Variants in ENTPD3 observed in about 807,000 individuals in gnomAD.
ENTPD3 encodes the protein ectonucleoside triphosphate diphosphohydrolase 3, also known as CD39 antigen-like 3.
A neutral mutation model predicts 51.2 loss-of-function variants in ENTPD3; 60 were observed. The ratio of observed to expected loss-of-function variants is 1.17; its 90% CI spans 0.95 to 1.45. The LOEUF (loss-of-function observed/expected upper bound fraction) is 1.45, where lower values mean the gene tolerates loss of function less well. ENTPD3 is among the 40% of genes most tolerant of loss of function. The pLI, the probability that ENTPD3 is intolerant of heterozygous loss-of-function variation, is 0.00. For missense variants in ENTPD3, 593 were observed against 641.1 expected, an observed-to-expected ratio of 0.93 and a Z score of 0.81; for synonymous variants, 221 against 238.4, an observed-to-expected ratio of 0.93 and a Z score of 0.67.
In ENTPD3 at chr3:40,401,031, T is replaced by C. The variant is rs755432694; in HGVS notation, c.286+20T>C. 8 of 1,577,978 alleles carry C rather than the reference T, an allele frequency of 5.1e-6. No homozygotes were observed. The South Asian group carries it at 8.9e-5, about 17-fold the overall frequency. On this transcript the variant is annotated intron_variant, in intron 4 of 10. Transcript: ENST00000301825. ...TGAAAGGTAAGGACTGAAGTGTGTC[T>C]GGGAGTCACAATGGGCAGCAAGGTA...
chr3:40,399,835 T>C (rs1955300863), intron 3 of ENTPD3, among the ~76,000 whole-genome samples: 1 of 152,184 alleles, frequency 6.6e-6, no homozygotes, highest in Non-Finnish European at 1.5e-5. Flanking sequence ...GCCCCAGCAC[T>C]GCCCAGCAAC....
intron 3 of ENTPD3, among the ~76,000 whole-genome samples, chr3:40,400,119 G>T (rs1376716891): frequency 6.6e-6 from 1 of 151,936 alleles, no homozygotes; most frequent in Admixed American, 6.6e-5. Flanking sequence ...ACAAAAATTA[G>T]CCAGGGATGG....
intron 4 of ENTPD3, among the ~76,000 whole-genome samples, chr3:40,403,880 C>T (rs1030349264): frequency 5.3e-5 from 8 of 152,038 alleles, no homozygotes; most frequent in African/African-American, 1.7e-4. Context: ...AACTTCTGGG[C>T]TCAAGCCATC....
chr3:40,389,511 A>G (rs1955009721), intron 2 of ENTPD3, among the ~76,000 whole-genome samples: 1 of 152,182 alleles, frequency 6.6e-6, no homozygotes, highest in Non-Finnish European at 1.5e-5. Flanking sequence ...TTCCCAAAAG[A>G]GTGATTGTGA....
chr3:40,417,934 T>G (rs749420736), intron 7 of ENTPD3, among the ~76,000 whole-genome samples: 6 of 152,154 alleles, frequency 3.9e-5, no homozygotes, highest in Non-Finnish European at 8.8e-5. Context: ...TAAATTTGGC[T>G]GGCCCTATGG....
intron 10 of ENTPD3, chr3:40,424,867 T>C (rs1575236153): frequency 1.5e-6 from 1 of 686,386 alleles, no homozygotes; most frequent in South Asian, 1.5e-5. Flanking sequence ...GCATTAGGCC[T>C]CTGACTATCT....
chr3:40,411,885 C>T lies in ENTPD3; in HGVS notation c.360C>T (p.Val120=). The T allele has an allele frequency of 9.3e-6, 15 of 1,612,612 alleles. No homozygotes were observed. The highest frequency in any genetic ancestry group is 1.3e-5 in the Non-Finnish European group (15 of 1,179,452). The change falls in exon 5 of 11, where the codon GTC becomes GTT. Residue 120 remains valine (V), a synonymous_variant. Transcript: ENST00000301825. The part of the protein sequence containing the change: ...PRAFEECMQK[V]KGQVPSHLHG... ...CCTTTGAGGAGTGTATGCAAAAAGT[C>T]AAGGGGCAGGTTCCATCCCACCTCC... is the stretch of plus-strand genomic sequence containing the variant.
intron 8 of ENTPD3, 79 bp from the exon 9 acceptor site, chr3:40,423,212 C>T (rs1955916411): frequency 6.5e-7 from 1 of 1,539,990 alleles, no homozygotes; most frequent in African/African-American, 1.4e-5. Flanking sequence ...TGTTAGCCAC[C>T]TTCTTATTCC....
chr3:40,408,273 G>T (rs1051969053), intron 4 of ENTPD3, among the ~76,000 whole-genome samples: 13 of 152,102 alleles, frequency 8.5e-5, no homozygotes, highest in African/African-American at 2.2e-4. Flanking sequence ...TTTTAGGAGT[G>T]ATTTTTTTCT....
At position 40,418,862 on chromosome 3, in the gene ENTPD3, G is replaced by A. The variant is rs550361777; in HGVS notation, c.831+2789G>A. On this transcript the variant is annotated intron_variant, in intron 7 of 10. Coordinates refer to ENST00000301825, the MANE Select transcript of ENTPD3 (RefSeq NM_001248.4). ...TGTTGTTAATGTCCTTTTAAAATAC[G>A]ATTTTTTATGAGAGCATAATATTCC... Among the ~76,000 whole-genome samples, 19 of 151,782 alleles carry A rather than the reference G, an allele frequency of 1.3e-4. No homozygotes were observed. The South Asian group carries it at 3.8e-3, about 30-fold the overall frequency.
intron 7 of ENTPD3, among the ~76,000 whole-genome samples, chr3:40,422,210 T>C (rs2125610789): frequency 6.6e-6 from 1 of 151,446 alleles, no homozygotes; most frequent in East Asian, 2.0e-4. Context: ...ATCAAAGACA[T>C]GCTGACACAG....
intron 7 of ENTPD3, among the ~76,000 whole-genome samples, chr3:40,419,332 C>G (rs1030024833): frequency 1.3e-5 from 2 of 151,868 alleles, no homozygotes; most frequent in Non-Finnish European, 2.9e-5. Flanking sequence ...GTTGTGATGA[C>G]TTTTTGAAAT....
At chr3:40,394,799 G>A (rs1202939012) in intron 3 of ENTPD3, among the ~76,000 whole-genome samples, 2 of 152,220 alleles carry the variant, frequency 1.3e-5, no homozygotes, top group Admixed American at 1.3e-4. Context: ...TGAATTGAAG[G>A]AGAGGAGTTA....
chr3:40,400,131 G>A (rs1236267324), intron 3 of ENTPD3, among the ~76,000 whole-genome samples: 1 of 151,980 alleles, frequency 6.6e-6, no homozygotes, highest in Admixed American at 6.5e-5. Context: ...CAGGGATGGT[G>A]GTGGGCACCT....
At chr3:40,424,520 TG>T (rs1209688166) in intron 10 of ENTPD3, among the ~76,000 whole-genome samples, 1 of 152,098 alleles carries the variant, frequency 6.6e-6, no homozygotes, top group Non-Finnish European at 1.5e-5. Context: ...ATTTGGGGGA[TG>T]GGGAAGATAT....
chr3:40,416,164 C>T lies in ENTPD3; in HGVS notation c.831+91C>T, dbSNP rs577275503. On this transcript the variant is annotated intron_variant, in intron 7 of 10. Coordinates refer to ENST00000301825, the MANE Select transcript of ENTPD3 (RefSeq NM_001248.4). The stretch of plus-strand genomic sequence containing the variant: ...CCTGCCTTCTGGGGTCTGTCCTCTC[C>T]ACTTCAATTGAAAGGTAGATGGAAA... 42 of 855,032 alleles carry T rather than the reference C, an allele frequency of 4.9e-5. No homozygotes were observed. The East Asian group carries it at 9.4e-4, about 19-fold the overall frequency. The allele number at this position is 855,032 out of a possible 1,614,324, so 53.0% of individuals were successfully genotyped here. A position where few individuals can be genotyped will look rare whatever the true frequency, so the allele number is the denominator to read the frequency against.
At chr3:40,411,192 G>A (rs1955620976) in intron 4 of ENTPD3, among the ~76,000 whole-genome samples, 2 of 151,564 alleles carry the variant, frequency 1.3e-5, no homozygotes, top group Non-Finnish European at 2.9e-5. Context: ...TCATGAAACT[G>A]AGGCAGGAGA....
chr3:40,404,202 A>G (rs1369354062), intron 4 of ENTPD3, among the ~76,000 whole-genome samples: 1 of 152,242 alleles, frequency 6.6e-6, no homozygotes, highest in East Asian at 1.9e-4. Flanking sequence ...AAAGTTATCT[A>G]ACCTGAGTCT....
At chr3:40,391,929 C>G (rs1269696183) in intron 2 of ENTPD3, 94 bp from the exon 3 acceptor site, 1 of 1,470,890 alleles carries the variant, frequency 6.8e-7, no homozygotes, top group African/African-American at 1.4e-5. Context: ...GGTTTATGCA[C>G]CTGATTATGG....
Sources: gnomAD v4.1 joint callset for allele counts (sites outside exome capture counted in the v4.1 genomes callset) on GRCh38, gnomAD v4.1.1 for gene constraint, MANE v1.5 for transcripts, NCBI Gene and HGNC (gene_info 2026-07-23, HGNC 2026-07-21) for gene names.